NOD1: variants seen among roughly 807,000 people sequenced by gnomAD.
NOD1 encodes nucleotide binding oligomerization domain containing 1.
A neutral mutation model predicts 81.2 loss-of-function variants in NOD1; 70 were observed. That is an observed-to-expected ratio of 0.86 (90% CI 0.71 to 1.05). NOD1 has a LOEUF of 1.05. Among genes scored for constraint, NOD1 ranks in the 50% least tolerant of loss-of-function variants. The pLI, the probability that NOD1 is intolerant of heterozygous loss-of-function variation, is 0.00. For missense variants in NOD1, 1,233 were observed against 1,228.0 expected, an observed-to-expected ratio of 1.00 and a Z score of -0.06; for synonymous variants, 508 against 526.9, an observed-to-expected ratio of 0.96 and a Z score of 0.49.
rs377633813 is a variant in NOD1, at chr7:30,451,820, C to T, written c.1597G>A (p.Asp533Asn). Residue 533 changes from aspartate (D) to asparagine (N), a missense_variant, in exon 6 of 14, where the codon GAC becomes AAC. By Grantham distance (23) the Asp-to-Asn change is conservative. Transcript: ENST00000222823. The surrounding 1 kb of genome is among the most constrained non-coding windows in gnomAD (Gnocchi z 4.2). ...FFTAFFLVLD[D>N]RVGTQELLRF... ...AGCAGCTCCTGAGTGCCCACCCTGT[C>T]GTCCAGCACGAGGAAGAAGGCTGTA... 80 of 1,613,688 alleles carry T rather than the reference C, an allele frequency of 5.0e-5. No homozygotes were observed. Among genetic ancestry groups the T allele is most frequent in the Non-Finnish European group, 6.4e-5 (76 of 1,180,026 alleles).
At chr7:30,447,230 C>T (rs902891100) in intron 7 of NOD1, 180 bp from the exon 8 acceptor site, 37 of 894,558 alleles carry the variant, frequency 4.1e-5, no homozygotes, top group Non-Finnish European at 6.5e-5. Context: ...AGCTCCACTA[C>T]TTTCCCCAGC....
rs371914449 is a variant in NOD1 at position 30,455,234 on chromosome 7, G to A, written c.279C>T (p.Leu93=). ...SEFFLYLLQQ[L]ADAYVDLRPW... is the part of the protein sequence containing the mutation. ...GCCTGAGGTCCACGTAGGCATCTGC[G>A]AGTTGCTGGAGCAAGTAGAGGAAGA... is the stretch of plus-strand genomic sequence containing the variant. Residue 93 remains leucine (L), a synonymous_variant, in exon 5 of 14, where the codon CTC becomes CTT. Transcript: ENST00000222823. 3.7e-6 allele frequency: 6 copies of A among 1,614,202 alleles called. No homozygotes were observed. Among genetic ancestry groups the A allele is most frequent in the Admixed American group, 1.7e-5 (1 of 60,022 alleles).
In NOD1 at chr7:30,425,351, C is replaced by T. The variant is rs1783355022; in HGVS notation, c.*287G>A. The T allele has an allele frequency of 2.7e-6, 1 of 370,976 alleles. No homozygotes were observed. Among genetic ancestry groups the T allele is most frequent in the Non-Finnish European group, 4.9e-6 (1 of 203,002 alleles). The allele number at this position is 370,976 out of a possible 1,614,324, so 23.0% of individuals were successfully genotyped here. On this transcript the variant is annotated 3_prime_UTR_variant, in exon 14 of 14. Coordinates refer to ENST00000222823, the MANE Select transcript of NOD1 (RefSeq NM_006092.4). Reference sequence around the variant, plus strand: ...GCTCACAGCTTTATTCCTCTAGCTTCAGATAAAAATAATTATAATAGGCAA... The same window carrying T: ...GCTCACAGCTTTATTCCTCTAGCTTTAGATAAAAATAATTATAATAGGCAA...
chr7:30,457,196 C>T (rs1786469938), intron 3 of NOD1, among the ~76,000 whole-genome samples, 154 bp from the exon 4 acceptor site: 1 of 152,164 alleles, frequency 6.6e-6, no homozygotes, highest in African/African-American at 2.4e-5. Context: ...ACTGTAATCC[C>T]AGCGCTTTGG....
At position 30,451,414 on chromosome 7, in the gene NOD1, C is replaced by T; in HGVS notation, c.2003G>A (p.Gly668Glu). Residue 668 changes from glycine to glutamate, a missense_variant, in exon 6 of 14, where the codon GGG becomes GAG. Coordinates refer to ENST00000222823, the MANE Select transcript of NOD1 (RefSeq NM_006092.4). This position sits in a 1 kb window ranked among gnomAD's most constrained non-coding sequence, Gnocchi z 4.2. ...GCAGATGCCCCTGGCCGCCAGCTGC[C>T]CCACCTTCTGGCTCTGTGTCTCGTA... ...CIYETQSQKV[G>E]QLAARGICAN... is the part of the protein sequence containing the mutation. 5 of 1,613,932 alleles carry T rather than the reference C, an allele frequency of 3.1e-6. No individual in the cohort carries two copies. Among genetic ancestry groups the T allele is most frequent in the Non-Finnish European group, 3.4e-6 (4 of 1,180,022 alleles).
chr7:30,439,303 G>T (rs370224136), intron 9 of NOD1, among the ~76,000 whole-genome samples: 2 of 140,942 alleles, frequency 1.4e-5, no homozygotes, highest in Non-Finnish European at 2.9e-5. Context: ...CAGCGTGAGC[G>T]ACGCAGAAGA....
intron 7 of NOD1, 136 bp from the exon 8 acceptor site, chr7:30,447,186 G>C (rs556225525): frequency 6.9e-7 from 1 of 1,459,692 alleles, no homozygotes; most frequent in East Asian, 2.4e-5. Context: ...CCAGAGTTTA[G>C]GGCTCTGAGG....
In NOD1 at chr7:30,460,410, G is replaced by T. The variant is rs1033075848; in HGVS notation, c.-351-369C>A. On this transcript the variant is annotated intron_variant, in intron 1 of 13. Coordinates refer to ENST00000222823, the MANE Select transcript of NOD1 (RefSeq NM_006092.4). The stretch of plus-strand genomic sequence containing the variant: ...TCTGGTCCTCTCTTCCAGGCAAAGA[G>T]AGGACGGAGATTGGGCTGGGGCCAG... 6 of 985,424 alleles carry T rather than the reference G, an allele frequency of 6.1e-6. No homozygotes were observed. The African/African-American group carries it at 1.0e-4, about 17-fold the overall frequency. 61.0% of individuals were successfully genotyped at this position (985,424 alleles called of 1,614,324 possible).
At position 30,448,311 on chromosome 7, in the gene NOD1, C is replaced by T; in HGVS notation, c.2272G>A (p.Val758Met). ...AGAAAGACATACCCCAAATAGGTCA[C>T]AATTTTGTATTTGGTCAGCTCTTCG... ...LSEELTKYKI[V>M]TYLGLYNNQI... is the part of the protein sequence containing the mutation. The change falls in exon 7 of 14, where the codon GTG becomes ATG. Residue 758 changes from valine (V) to methionine (M), a missense_variant. By Grantham distance (21) the Val-to-Met change is conservative. Coordinates refer to ENST00000222823, the MANE Select transcript of NOD1 (RefSeq NM_006092.4). 6.2e-7 allele frequency: 1 copy of T among 1,613,762 alleles called. No individual in the cohort carries two copies. The highest frequency in any genetic ancestry group is 8.5e-7 in the Non-Finnish European group (1 of 1,179,626).
chr7:30,456,372 C>T (rs1316966443), intron 4 of NOD1, among the ~76,000 whole-genome samples: 1 of 152,200 alleles, frequency 6.6e-6, no homozygotes, highest in Non-Finnish European at 1.5e-5. Context: ...CAACAAGCAG[C>T]CCTCCAGCCT....
chr7:30,473,593 G>A (rs2970503), intron 1 of NOD1, among the ~76,000 whole-genome samples: 15,451 of 152,224 alleles, frequency 0.1, 984 homozygotes, highest in African/African-American at 0.17. Context: ...AGCAATGGAT[G>A]AGGTTTAATG....
At chr7:30,449,751 C>G (rs1395329418) in intron 6 of NOD1, among the ~76,000 whole-genome samples, 1 of 152,214 alleles carries the variant, frequency 6.6e-6, no homozygotes, top group East Asian at 1.9e-4. Context: ...CTGATGCAGC[C>G]AGAGAACTGA....
intron 1 of NOD1, among the ~76,000 whole-genome samples, chr7:30,461,626 C>A (rs1787088311): frequency 6.6e-6 from 1 of 152,262 alleles, no homozygotes; most frequent in South Asian, 2.1e-4. Flanking sequence ...AGGGGCTACT[C>A]AAGTGGACAG....
At chr7:30,447,762 C>A (rs1785256778) in intron 7 of NOD1, 1 of 154,804 alleles carries the variant, frequency 6.5e-6, no homozygotes, top group Non-Finnish European at 1.4e-5. Flanking sequence ...AAGTTTCTCA[C>A]AATTCTTTTG....
intron 12 of NOD1, among the ~76,000 whole-genome samples, chr7:30,432,692 T>C (rs1226800876): frequency 2.6e-5 from 4 of 152,196 alleles, no homozygotes; most frequent in Non-Finnish European, 4.4e-5. Context: ...ACAACCCAAA[T>C]GTCCCATCAA....
chr7:30,439,138 A>G (rs78930943), intron 9 of NOD1, among the ~76,000 whole-genome samples: 1 of 152,320 alleles, frequency 6.6e-6, no homozygotes, highest in East Asian at 1.9e-4. Context: ...TGGGAACATA[A>G]AATGGTGCTG....
intron 12 of NOD1, among the ~76,000 whole-genome samples, chr7:30,431,401 A>G (rs1213049200): frequency 6.6e-6 from 1 of 152,264 alleles, no homozygotes; most frequent in Non-Finnish European, 1.5e-5. Context: ...CCTGATTTCA[A>G]AATGTACTAC....
rs1189597082 is a variant in NOD1, at chr7:30,478,251, C to T, written c.-352+355G>A. Among the ~76,000 whole-genome samples the T allele has an allele frequency of 6.6e-6, 1 of 152,012 alleles. No individual in the cohort carries two copies. Among genetic ancestry groups the T allele is most frequent in the Non-Finnish European group, 1.5e-5 (1 of 68,008 alleles). ...TCACTTGGGGAGCTTTTAAAAGATACGGAGGCCTGGGTCTGACTCCGTGAG... is the reference window on the plus strand; with the variant it reads ...TCACTTGGGGAGCTTTTAAAAGATATGGAGGCCTGGGTCTGACTCCGTGAG... On this transcript the variant is annotated intron_variant, in intron 1 of 13. Transcript: ENST00000222823. This position sits in a 1 kb window ranked among gnomAD's most constrained non-coding sequence, Gnocchi z 4.1.
At chr7:30,433,503 C>A in intron 11 of NOD1, 3 of 358,294 alleles carry the variant, frequency 8.4e-6, no homozygotes, top group Non-Finnish European at 1.0e-5. Flanking sequence ...AGGGCCAATG[C>A]CTGCTTCTCA....
Sources: gnomAD v4.1 joint callset for allele counts (sites outside exome capture counted in the v4.1 genomes callset) on GRCh38, gnomAD v4.1.1 for gene constraint, Gnocchi (gnomAD v3.1) non-coding constraint, MANE v1.5 for transcripts, NCBI Gene and HGNC (gene_info 2026-07-23, HGNC 2026-07-21) for gene names.